ACOT11: variants seen among roughly 807,000 people sequenced by gnomAD.
ACOT11 encodes acyl-CoA thioesterase 11.
Under a neutral mutation model 77.5 loss-of-function variants are expected in ACOT11, and 69 were observed. The observed-to-expected ratio is 0.89, with a 90% CI of 0.73 to 1.09. The LOEUF is 1.09. ACOT11 is among the 50% of genes least tolerant of loss of function. The pLI is 0.00. For missense variants in ACOT11, 766 were observed against 813.7 expected (o/e 0.94, Z 0.71); for synonymous variants, 279 against 313.0 (o/e 0.89, Z 1.15).
chr1:54,586,252 T>C (rs1238531840), intron 3 of ACOT11, among the ~76,000 whole-genome samples: 4 of 152,024 alleles, frequency 2.6e-5, no homozygotes, highest in African/African-American at 4.8e-5. Context: ...GACTTAATCA[T>C]TGAGTGCCTT....
At chr1:54,625,487 A>G (rs1334786324) in intron 15 of ACOT11, among the ~76,000 whole-genome samples, 2 of 152,206 alleles carry the variant, frequency 1.3e-5, no homozygotes, top group Non-Finnish European at 2.9e-5. Flanking sequence ...CCCTTCTGTA[A>G]TAAGGCATGG....
intron 7 of ACOT11, chr1:54,597,672 A>C: frequency 3.8e-6 from 2 of 523,034 alleles, no homozygotes; most frequent in East Asian, 3.3e-5. Flanking sequence ...CCCTACCTGC[A>C]CTCCTTCTAG....
Position 54,556,586 on chromosome 1 carries a change from A to C in ACOT11, c.33+8244A>C, listed in dbSNP as rs143784331. Among the ~76,000 whole-genome samples the C allele has an allele frequency of 3.6e-3, 546 of 150,370 alleles. 6 individuals are homozygous for C. The highest frequency in any genetic ancestry group is 0.013 in the African/African-American group (521 of 41,042). On this transcript the variant is annotated intron_variant, in intron 1 of 15. Coordinates refer to ENST00000343744, the MANE Select transcript of ACOT11 (RefSeq NM_147161.4). ...TAATGATTTATAGTTTTCATTGTAG[A>C]GTTTTTTTTTTTTGAGACAGAGTCT...
At chr1:54,623,789 G>A (rs1320337476) in intron 15 of ACOT11, among the ~76,000 whole-genome samples, 1 of 152,122 alleles carries the variant, frequency 6.6e-6, no homozygotes, top group African/African-American at 2.4e-5. Flanking sequence ...GTGTCTGCCG[G>A]TCTCTGGGCA....
At chr1:54,549,369 G>T (rs1652984068) in intron 1 of ACOT11, among the ~76,000 whole-genome samples, 1 of 152,092 alleles carries the variant, frequency 6.6e-6, no homozygotes, top group East Asian at 1.9e-4. Context: ...CCACCCCTCT[G>T]CTGTCCCTGC....
intron 15 of ACOT11, chr1:54,620,158 A>G: frequency 1.2e-6 from 1 of 828,266 alleles, no homozygotes; most frequent in Non-Finnish European, 1.8e-6. Flanking sequence ...TGGTGCTACA[A>G]TAGAGGGAAA....
chr1:54,611,474 G>T, downstream of ACOT11: 2 of 806,622 alleles, frequency 2.5e-6, no homozygotes, highest in Non-Finnish European at 2.0e-6. Flanking sequence ...CACACAAAAT[G>T]CAGCCGCCTC....
chr1:54,578,845 G>GA (rs61293546), intron 1 of ACOT11, among the ~76,000 whole-genome samples: 17,573 of 146,508 alleles, frequency 0.12, 2,416 homozygotes, highest in African/African-American at 0.34. Context: ...TTATGATCTT[G>GA]AAAAAAAAAA....
rs750402149 is a variant in ACOT11, at chr1:54,608,006, A to C, written c.1567A>C (p.Arg523=). 1.1e-5 allele frequency: 17 copies of C among 1,613,456 alleles called. No homozygotes were observed. The South Asian group carries it at 1.6e-4, about 16-fold the overall frequency. Residue 523 remains arginine, a synonymous_variant, in exon 15 of 16, where the codon AGA becomes CGA. Transcript: ENST00000343744. ...CACACACCGAGAGACGCCAGAGTAC[A>C]GACGCGGAGAGACCCTCTGCTCAGG... ...LPTHRETPEY[R]RGETLCSGFC...
At chr1:54,550,923 T>G (rs1653041771) in intron 1 of ACOT11, among the ~76,000 whole-genome samples, 2 of 151,650 alleles carry the variant, frequency 1.3e-5, no homozygotes, top group Admixed American at 1.3e-4. Context: ...GTGGATCACT[T>G]GAGGCCAGGA....
At chr1:54,580,248 C>T (rs1399155000) in intron 1 of ACOT11, among the ~76,000 whole-genome samples, 1 of 152,164 alleles carries the variant, frequency 6.6e-6, no homozygotes, top group African/African-American at 2.4e-5. Context: ...TGGGTTACTC[C>T]AGAGGTCACC....
intron 1 of ACOT11, among the ~76,000 whole-genome samples, chr1:54,571,267 T>A (rs1204254339): frequency 1.3e-5 from 2 of 152,144 alleles, no homozygotes; most frequent in Non-Finnish European, 2.9e-5. Context: ...CATGCCTTCC[T>A]GTTTCTTTCT....
chr1:54,592,470 C>A, intron 3 of ACOT11, 76 bp from the exon 4 acceptor site: 1 of 1,395,696 alleles, frequency 7.2e-7, no homozygotes, highest in Non-Finnish European at 9.9e-7. Context: ...GCAAGAGAGG[C>A]TCTGCAAGTA....
chr1:54,603,977 C>T lies in ACOT11; in HGVS notation c.1152+40C>T, dbSNP rs750222215. On this transcript the variant is annotated intron_variant, in intron 11 of 15. Coordinates refer to ENST00000343744, the MANE Select transcript of ACOT11 (RefSeq NM_147161.4). ...TCCGAGAGGACAGTCTTCAGACCCA[C>T]CGGGCCCCCACCCTTCCCTGCTTGT... 9.4e-6 allele frequency: 15 copies of T among 1,593,410 alleles called. No homozygotes were observed. In the South Asian group the frequency reaches 1.7e-4, roughly 18 times the overall value.
At chr1:54,566,454 CAAAAAA>C (rs34312735) in intron 1 of ACOT11, among the ~76,000 whole-genome samples, 2 of 94,692 alleles carry the variant, frequency 2.1e-5, no homozygotes, top group African/African-American at 3.0e-5. Context: ...AAGACTGTCT[CAAAAAA>C]AAAAAAAAAA....
At chr1:54,615,913 G>A (rs1327433575) in intron 15 of ACOT11, 32 of 1,169,844 alleles carry the variant, frequency 2.7e-5, no homozygotes, top group Non-Finnish European at 3.6e-5. Flanking sequence ...AAGGCAATGA[G>A]CACCTCGTGT....
chr1:54,551,473 C>T lies in ACOT11; in HGVS notation c.33+3131C>T, dbSNP rs367898585. 1.1e-4 allele frequency among the ~76,000 whole-genome samples: 16 copies of T among 152,276 alleles called. No individual in the cohort carries two copies. In the East Asian group the frequency reaches 3.1e-3, roughly 30 times the overall value. ...TCTCCCTGTCCCGCTTCAATCCTTG[C>T]CTCTCCCCGTGGAGAGCTCTTCTTT... On this transcript the variant is annotated intron_variant, in intron 1 of 15. Coordinates refer to ENST00000343744, the MANE Select transcript of ACOT11 (RefSeq NM_147161.4).
chr1:54,601,348 A>G lies in ACOT11; in HGVS notation c.964A>G (p.Thr322Ala). 6.2e-7 allele frequency: 1 copy of G among 1,613,574 alleles called. No homozygotes were observed. The highest frequency in any genetic ancestry group is 8.5e-7 in the Non-Finnish European group (1 of 1,179,982). ...GCGCCACATCAACAGTGCCTTTATG[A>G]CCTTTGTGGTCCTGGACGCAGATGA... ...HRRHINSAFM[T>A]FVVLDADDQP... The change falls in exon 9 of 16, where the codon ACC becomes GCC. Residue 322 changes from threonine to alanine, a missense_variant. Physicochemically the swap from Thr to Ala is moderately conservative, Grantham distance 58. Transcript: ENST00000343744.
At chr1:54,594,523 T>C (rs1654825963) in intron 5 of ACOT11, 33 bp from the exon 6 acceptor site, 2 of 1,595,700 alleles carry the variant, frequency 1.3e-6, no homozygotes, top group South Asian at 2.3e-5. Context: ...AGACTTGCCC[T>C]GAGTGTCCCC....
Sources: allele counts gnomAD v4.1 joint callset (sites outside exome capture counted in the v4.1 genomes callset), GRCh38; gene constraint gnomAD v4.1.1; transcripts MANE v1.5; gene names NCBI Gene and HGNC (gene_info 2026-07-23, HGNC 2026-07-21).